The following TINAG variants were observed in gnomAD, a reference collection of about 807,000 sequenced individuals.
TINAG encodes the protein tubulointerstitial nephritis antigen.
Under a neutral mutation model 72.7 loss-of-function variants are expected in TINAG, and 83 were observed. That is an observed-to-expected ratio of 1.14 (90% CI 0.96 to 1.37). The LOEUF is 1.37. TINAG is among the 40% of genes most tolerant of loss of function. TINAG has a pLI of 0.00. For missense variants in TINAG, 685 were observed against 576.6 expected, an observed-to-expected ratio of 1.19 and a Z score of -1.93; for synonymous variants, 234 against 189.9, an observed-to-expected ratio of 1.23 and a Z score of -1.91.
rs554387209 is a variant in TINAG, at chr6:54,333,125, C to T, written c.624+6209C>T. On this transcript the variant is annotated intron_variant, in intron 4 of 10. Coordinates refer to ENST00000259782, the MANE Select transcript of TINAG (RefSeq NM_014464.4). ...CAGCAATCTCATTACTGGGTATATA[C>T]CTAAAGGTTTATAAATCATTCTACT... Among the ~76,000 whole-genome samples, 16 of 152,046 alleles carry T rather than the reference C, an allele frequency of 1.1e-4. No individual in the cohort carries two copies. In the East Asian group the frequency reaches 3.1e-3, roughly 29 times the overall value.
chr6:54,355,352 A>C lies in TINAG; in HGVS notation c.1250+716A>C, dbSNP rs145135827. Reference sequence around the variant, plus strand: ...CTTCTCATATTGCATATTATGGTAAATAACTTCATTCCCATTGAACATGTC... The same window carrying C: ...CTTCTCATATTGCATATTATGGTAACTAACTTCATTCCCATTGAACATGTC... On this transcript the variant is annotated intron_variant, in intron 9 of 10. Coordinates refer to ENST00000259782, the MANE Select transcript of TINAG (RefSeq NM_014464.4). Among the ~76,000 whole-genome samples the C allele has an allele frequency of 2.6e-5, 4 of 151,976 alleles. No individual in the cohort carries two copies. In the East Asian group the frequency reaches 7.8e-4, roughly 30 times the overall value.
intron 1 of TINAG, among the ~76,000 whole-genome samples, chr6:54,310,495 C>CTTTCTTTCTCTTTCTTTCTT (rs1378374995): frequency 9.2e-5 from 3 of 32,544 alleles, no homozygotes; most frequent in Non-Finnish European, 3.2e-4. Flanking sequence ...TCTTTCTTTT[C>CTTTCTTTCTCTTTCTTTCTT]TTCTTTCTTT....
chr6:54,360,456 A>G (rs775532883), intron 9 of TINAG, among the ~76,000 whole-genome samples: 3 of 151,684 alleles, frequency 2.0e-5, no homozygotes, highest in African/African-American at 4.8e-5. Context: ...AGTGTGTTTT[A>G]CTATCAACAA....
intron 4 of TINAG, among the ~76,000 whole-genome samples, chr6:54,338,521 A>G (rs1436799617): frequency 1.3e-5 from 2 of 152,140 alleles, no homozygotes; most frequent in East Asian, 3.9e-4. Context: ...GGAGATCAAG[A>G]CCATCCTAGC....
chr6:54,345,854 T>C (rs1019764321), intron 5 of TINAG, among the ~76,000 whole-genome samples: 2 of 152,098 alleles, frequency 1.3e-5, no homozygotes, highest in African/African-American at 4.8e-5. Flanking sequence ...CAAAGATACA[T>C]ATGTAAATGA....
intron 9 of TINAG, among the ~76,000 whole-genome samples, chr6:54,371,715 A>G (rs1048164006): frequency 6.6e-6 from 1 of 152,028 alleles, no homozygotes; most frequent in Non-Finnish European, 1.5e-5. Context: ...AGATAATGTG[A>G]TTCTATTTGT....
chr6:54,384,251 T>C (rs1410696444), intron 10 of TINAG, among the ~76,000 whole-genome samples: 1 of 151,954 alleles, frequency 6.6e-6, no homozygotes, highest in African/African-American at 2.4e-5. Context: ...ATACCTAATG[T>C]AGATGATGAG....
chr6:54,314,100 T>A (rs1784319604), intron 1 of TINAG, among the ~76,000 whole-genome samples: 1 of 152,154 alleles, frequency 6.6e-6, no homozygotes, highest in African/African-American at 2.4e-5. Flanking sequence ...GACAAGAGTA[T>A]CACCCAGGAA....
chr6:54,321,739 A>C (rs1017060629), intron 3 of TINAG, among the ~76,000 whole-genome samples: 6 of 152,142 alleles, frequency 3.9e-5, no homozygotes, highest in African/African-American at 1.4e-4. Context: ...TGCTGCCCTC[A>C]CCAAGCCAAT....
intron 1 of TINAG, among the ~76,000 whole-genome samples, chr6:54,316,015 C>A (rs1434448192): frequency 2.0e-5 from 3 of 152,140 alleles, no homozygotes; most frequent in African/African-American, 7.2e-5. Context: ...TGACACAAAC[C>A]AATTCATACA....
chr6:54,365,525 G>A (rs1254515314), intron 9 of TINAG: 2 of 151,410 alleles, frequency 1.3e-5, no homozygotes, highest in Non-Finnish European at 3.0e-5. Context: ...CCAGCCTAGG[G>A]ACAATGAAGA....
At chr6:54,326,032 A>ATAAT (rs1784594874) in intron 3 of TINAG, among the ~76,000 whole-genome samples, 1 of 152,180 alleles carries the variant, frequency 6.6e-6, no homozygotes, top group Non-Finnish European at 1.5e-5. Context: ...AAAGTGGTAG[A>ATAAT]TAATTCAGAA....
At chr6:54,354,723 C>T in intron 9 of TINAG, 87 bp downstream of exon 9, 1 of 1,354,014 alleles carries the variant, frequency 7.4e-7, no homozygotes, top group Non-Finnish European at 1.0e-6. Flanking sequence ...GCTAGAATCC[C>T]CTTTGTAGGA....
At chr6:54,308,929 A>G in intron 1 of TINAG, 24 bp downstream of exon 1, 1 of 1,550,804 alleles carries the variant, frequency 6.4e-7, no homozygotes, top group Non-Finnish European at 8.7e-7. Flanking sequence ...ATGTGTTTCA[A>G]CATCATCCTC....
rs1403579880 is a variant in TINAG, at chr6:54,354,521, C to T, written c.1135C>T (p.Gln379Ter). ...GTTGGATTTTATTTTAGCCATAATGCAAGTCCGTGAAGATTTCTTCCATTA... is the reference window on the plus strand; with the variant it reads ...GTTGGATTTTATTTTAGCCATAATGTAAGTCCGTGAAGATTTCTTCCATTA... The part of the protein sequence containing the change: ...MQNGPVQAIM[Q>*]VREDFFHYKT... Residue 379 changes from glutamine to a stop codon, truncating the protein, a stop_gained, in exon 9 of 11, where the codon CAA (glutamine) becomes TAA (stop). Coordinates refer to ENST00000259782, the MANE Select transcript of TINAG (RefSeq NM_014464.4). LOFTEE classifies it high-confidence loss of function. 1 of 1,603,286 alleles carries T rather than the reference C, an allele frequency of 6.2e-7. No individual in the cohort carries two copies. The highest frequency in any genetic ancestry group is 2.3e-5 in the East Asian group (1 of 44,434).
chr6:54,308,858 G>C lies in TINAG; in HGVS notation c.308G>C (p.Arg103Pro). 6.2e-7 allele frequency: 1 copy of C among 1,613,332 alleles called. No homozygotes were observed. ...DCCPDYKSFCREEKEWPPHTQ... is the reference protein window; with the variant it reads ...DCCPDYKSFCPEEKEWPPHTQ... ...TGTCCTGACTACAAGTCCTTTTGCC[G>C]TGAAGAGAAAGAATGGCCTCCTCAC... The change falls in exon 1 of 11, where the codon CGT becomes CCT. Residue 103 changes from arginine to proline, a missense_variant. Coordinates refer to ENST00000259782, the MANE Select transcript of TINAG (RefSeq NM_014464.4).
chr6:54,341,934 TA>T (rs1785006186), intron 4 of TINAG, among the ~76,000 whole-genome samples: 1 of 152,090 alleles, frequency 6.6e-6, no homozygotes, highest in African/African-American at 2.4e-5. Flanking sequence ...TTCTCATTCA[TA>T]AAAAATAGCT....
At chr6:54,362,983 G>A (rs1159510304) in intron 9 of TINAG, among the ~76,000 whole-genome samples, 1 of 151,562 alleles carries the variant, frequency 6.6e-6, no homozygotes, top group East Asian at 1.9e-4. Context: ...GTAGAAAGTG[G>A]TAAGAAGACA....
In TINAG at chr6:54,310,076, C is replaced by CGTGTGTGTGTGTGTGTGT. The variant is rs138971244; in HGVS notation, c.355+1185_355+1202dup. Among the ~76,000 whole-genome samples, 201 of 127,722 alleles carry CGTGTGTGTGTGTGTGTGT rather than the reference C, an allele frequency of 1.6e-3. 3 individuals carry two copies. The highest frequency in any genetic ancestry group is 4.5e-3 in the African/African-American group (143 of 32,116). The allele number at this position is 127,722 out of a possible 152,430, so 83.8% of individuals were successfully genotyped here. ...TTTCTTTTTTCCTTCCTTTTTTTTC[C>CGTGTGTGTGTGTGTGTGT]GTGTGTGTGTGTGTGTGTGTGTGTG... On this transcript the variant is annotated intron_variant, in intron 1 of 10. Transcript: ENST00000259782.
Sources: gnomAD v4.1 joint callset for allele counts (sites outside exome capture counted in the v4.1 genomes callset) on GRCh38, gnomAD v4.1.1 for gene constraint, MANE v1.5 for transcripts, NCBI Gene and HGNC (gene_info 2026-07-23, HGNC 2026-07-21) for gene names.